Variants in CSRNP3 observed in about 807,000 individuals in gnomAD.
CSRNP3 encodes cysteine/serine-rich nuclear protein 3.
CSRNP3 carries 12 observed loss-of-function variants against 48.0 expected under a neutral mutation model. That is an observed-to-expected ratio of 0.25 (90% CI 0.16 to 0.41). The LOEUF (loss-of-function observed/expected upper bound fraction) is 0.41, where lower values mean the gene tolerates loss of function less well. CSRNP3 is among the 10% of genes least tolerant of loss of function. The pLI is 1.00. For synonymous variants in CSRNP3, 263 were observed against 269.7 expected (o/e 0.98, Z 0.24); for missense variants, 580 against 724.4 (o/e 0.80, Z 2.29).
At chr2:165,593,336 C>G (rs1022566591) in intron 3 of CSRNP3, among the ~76,000 whole-genome samples, 4 of 152,158 alleles carry the variant, frequency 2.6e-5, no homozygotes, top group Non-Finnish European at 4.4e-5. Flanking sequence ...CTAAATTACA[C>G]AAGTGATCCT....
At chr2:165,640,573 G>C (rs148377914) in intron 4 of CSRNP3, among the ~76,000 whole-genome samples, 2 of 152,112 alleles carry the variant, frequency 1.3e-5, no homozygotes, top group African/African-American at 4.8e-5. Flanking sequence ...TACTACTTAC[G>C]TTGCTTCTAG....
intron 3 of CSRNP3, among the ~76,000 whole-genome samples, chr2:165,576,766 A>G (rs951305598): frequency 6.6e-6 from 1 of 152,088 alleles, no homozygotes; most frequent in Admixed American, 6.6e-5. Context: ...GAAAAAATGC[A>G]TTTGTGTAAA....
chr2:165,476,631 A>G (rs1004332407), intron 1 of CSRNP3, among the ~76,000 whole-genome samples: 25 of 152,194 alleles, frequency 1.6e-4, no homozygotes, highest in African/African-American at 6.0e-4. Context: ...TTATCTATCT[A>G]TTCTTTAGGT....
At chr2:165,571,225 T>C (rs937218296) in intron 3 of CSRNP3, among the ~76,000 whole-genome samples, 1 of 152,000 alleles carries the variant, frequency 6.6e-6, no homozygotes, top group Non-Finnish European at 1.5e-5. Context: ...TTTATAGTGC[T>C]TCTGACTTTT....
intron 3 of CSRNP3, among the ~76,000 whole-genome samples, chr2:165,546,621 TTTTA>T (rs1312865280): frequency 9.9e-5 from 15 of 152,136 alleles, no homozygotes; most frequent in Admixed American, 9.8e-4. Flanking sequence ...TTTCTGGGGG[TTTTA>T]TTTTGACTTA....
At chr2:165,657,654 A>G in intron 4 of CSRNP3, 107 bp from the exon 5 acceptor site, 1 of 1,375,852 alleles carries the variant, frequency 7.3e-7, no homozygotes, top group East Asian at 2.3e-5. Context: ...GCCCTAGCCA[A>G]CAAGGGTTGG....
Position 165,683,376 on chromosome 2 carries a change from A to C in CSRNP3, c.*3623A>C, listed in dbSNP as rs1450234313. 6.6e-6 allele frequency: 1 copy of C among 152,120 alleles called. No individual in the cohort carries two copies. The highest frequency in any genetic ancestry group is 1.5e-5 in the Non-Finnish European group (1 of 67,994). The allele number at this position is 152,120 out of a possible 1,614,324, so 9.4% of individuals were successfully genotyped here. ...CCTGAATTCCTTCCCTCCAAAAAAAAACTATGAGTTGCAAAAACACTAGTT... is the reference window on the plus strand; with the variant it reads ...CCTGAATTCCTTCCCTCCAAAAAAACACTATGAGTTGCAAAAACACTAGTT... On this transcript the variant is annotated 3_prime_UTR_variant, in exon 7 of 7. Transcript: ENST00000651982.
chr2:165,633,567 C>T (rs1686574563), intron 4 of CSRNP3, among the ~76,000 whole-genome samples: 2 of 152,176 alleles, frequency 1.3e-5, no homozygotes, highest in East Asian at 1.9e-4. Flanking sequence ...AATCTCCCAG[C>T]TCACAAGCTT....
chr2:165,500,462 TA>T (rs1271418799), intron 2 of CSRNP3, among the ~76,000 whole-genome samples: 4 of 150,876 alleles, frequency 2.7e-5, no homozygotes, highest in African/African-American at 7.3e-5. Context: ...TATATATATA[TA>T]TTTTGAGACG....
intron 4 of CSRNP3, among the ~76,000 whole-genome samples, chr2:165,607,937 A>G (rs1411574804): frequency 6.6e-6 from 1 of 151,486 alleles, no homozygotes; most frequent in Non-Finnish European, 1.5e-5. Flanking sequence ...TTTGCATCAG[A>G]TTCTAGTAAT....
chr2:165,517,745 G>A (rs1350946137), intron 2 of CSRNP3, 128 bp from the exon 3 acceptor site: 1 of 152,256 alleles, frequency 6.6e-6, no homozygotes, highest in Non-Finnish European at 1.5e-5. Flanking sequence ...TGTATTTAAT[G>A]CTTTACTTAT....
chr2:165,471,426 G>A (rs781710565), intron 1 of CSRNP3, among the ~76,000 whole-genome samples: 8 of 151,938 alleles, frequency 5.3e-5, no homozygotes, highest in Non-Finnish European at 1.0e-4. Flanking sequence ...TGTATTAGAG[G>A]AAATAAATCA....
At chr2:165,673,230 C>T (rs186070185) in intron 5 of CSRNP3, among the ~76,000 whole-genome samples, 1 of 143,634 alleles carries the variant, frequency 7.0e-6, no homozygotes, top group South Asian at 2.3e-4. Context: ...CTTTGCCTCC[C>T]AGGTTCAAGT....
At chr2:165,649,942 G>A (rs1686877515) in intron 4 of CSRNP3, among the ~76,000 whole-genome samples, 1 of 151,586 alleles carries the variant, frequency 6.6e-6, no homozygotes, top group Non-Finnish European at 1.5e-5. Context: ...TTTAAGGTGG[G>A]TTTTTTTTCT....
At position 165,625,808 on chromosome 2, in the gene CSRNP3, C is replaced by CTA. The variant is rs568477209; in HGVS notation, c.148+30598_148+30599dup. ...ATTAGCCTGGTGCAGAGGCGGGCAC[C>CTA]TATAATCCCAGCTACTCGGCAGGCT... On this transcript the variant is annotated intron_variant, in intron 4 of 6. Coordinates refer to ENST00000651982, the MANE Select transcript of CSRNP3 (RefSeq NM_001172173.2). Among the ~76,000 whole-genome samples, 1,489 of 150,128 alleles carry CTA rather than the reference C, an allele frequency of 9.9e-3. 18 individuals carry two copies. Among genetic ancestry groups the CTA allele is most frequent in the Non-Finnish European group, 0.016 (1,058 of 67,730 alleles).
intron 3 of CSRNP3, among the ~76,000 whole-genome samples, chr2:165,594,114 C>A (rs760598132): frequency 6.6e-6 from 1 of 151,664 alleles, no homozygotes; most frequent in Admixed American, 6.6e-5. Context: ...TTTCAAAATC[C>A]AAAAAAAATT....
chr2:165,481,506 G>C (rs1684042628), intron 1 of CSRNP3, among the ~76,000 whole-genome samples: 1 of 152,096 alleles, frequency 6.6e-6, no homozygotes, highest in African/African-American at 2.4e-5. Context: ...AAGAGCCAGG[G>C]CATCCTCAAC....
At position 165,515,805 on chromosome 2, in the gene CSRNP3, T is replaced by TC. The variant is rs200003543; in HGVS notation, c.-112-2068_-112-2067insC. On this transcript the variant is annotated intron_variant, in intron 2 of 6. Coordinates refer to ENST00000651982, the MANE Select transcript of CSRNP3 (RefSeq NM_001172173.2). ...AATATCTTTTTCTTTTCCTTTCTTT[T>TC]TTTTTTTTTTTTTTTTTTGAGACAG... is the stretch of plus-strand genomic sequence containing the variant. 1.2e-3 allele frequency among the ~76,000 whole-genome samples: 169 copies of TC among 137,880 alleles called. 2 individuals carry two copies. The highest frequency in any genetic ancestry group is 1.3e-3 in the Non-Finnish European group (86 of 64,704). 90.5% of individuals were successfully genotyped at this position (137,880 alleles called of 152,430 possible).
intron 3 of CSRNP3, among the ~76,000 whole-genome samples, chr2:165,540,589 C>G (rs1357645292): frequency 6.6e-6 from 1 of 152,082 alleles, no homozygotes; most frequent in African/African-American, 2.4e-5. Context: ...ACACTAAGCC[C>G]TGGAGACTCA....
Sources: gnomAD v4.1 joint callset for allele counts (sites outside exome capture counted in the v4.1 genomes callset) on GRCh38, gnomAD v4.1.1 for gene constraint, MANE v1.5 for transcripts, NCBI Gene and HGNC (gene_info 2026-07-23, HGNC 2026-07-21) for gene names.